The following KLF8 variants were observed in gnomAD, a reference collection of about 807,000 sequenced individuals.
KLF8 encodes Krueppel-like factor 8.
KLF8 carries 10 observed loss-of-function variants against 18.2 expected under a neutral mutation model. The observed-to-expected ratio is 0.55, with a 90% CI of 0.34 to 0.93. KLF8 has a LOEUF of 0.93. Ranked by LOEUF, KLF8 falls within the 40% of genes least tolerant of loss-of-function variation. The pLI, the probability that KLF8 is intolerant of heterozygous loss-of-function variation, is 0.02. For missense variants in KLF8, 264 were observed against 277.9 expected (o/e 0.95, Z 0.36); for synonymous variants, 109 against 97.3 (o/e 1.12, Z -0.71).
At chrX:55,954,697 G>A in the KLF8 span, among the ~76,000 whole-genome samples, 36 of 111,650 alleles carry the variant, frequency 3.2e-4, no homozygotes, top group African/African-American at 1.1e-3. Context: ...CTACTAAAGA[G>A]AAATGAAAAT....
chrX:56,034,625 A>T, the KLF8 span, among the ~76,000 whole-genome samples: 1 of 111,152 alleles, frequency 9.0e-6, no homozygotes, highest in Admixed American at 9.6e-5. Context: ...ATCATCTCAA[A>T]CATTTATCAT....
the KLF8 span, among the ~76,000 whole-genome samples, chrX:56,009,718 A>C: frequency 8.9e-6 from 1 of 112,173 alleles, no homozygotes; most frequent in African/African-American, 3.2e-5. Flanking sequence ...ACATGAAAAA[A>C]ATTACAGGAG....
the KLF8 span, among the ~76,000 whole-genome samples, chrX:55,940,202 G>C: frequency 8.9e-6 from 1 of 111,974 alleles, no homozygotes; most frequent in Admixed American, 9.5e-5. Context: ...CTTCATTCCT[G>C]GGATGCAAGC....
the KLF8 span, among the ~76,000 whole-genome samples, chrX:56,106,556 C>T: frequency 2.7e-5 from 3 of 112,294 alleles, no homozygotes; most frequent in Non-Finnish European, 5.6e-5. Context: ...TGGTTTTCAG[C>T]TCCATCAGGT....
At position 56,265,636 on chromosome X, in the gene KLF8, G is replaced by A; in HGVS notation, c.538G>A (p.Val180Met). The A allele has an allele frequency of 8.3e-7, 1 of 1,211,580 alleles. No individual in the cohort carries two copies. The highest frequency in any genetic ancestry group is 1.1e-6 in the Non-Finnish European group (1 of 895,314). Residue 180 changes from valine to methionine, a missense_variant, in exon 3 of 6, where the codon GTG (valine) becomes ATG (methionine). Coordinates refer to ENST00000468660, the MANE Select transcript of KLF8 (RefSeq NM_007250.5). ...NKMGGLKTIP[V>M]VVQSLPMVYT... is the part of the protein sequence containing the mutation. ...GATGGGTGGCCTGAAGACCATCCCA[G>A]TGGTAGTGCAGTCTCTGCCCATGGT...
the KLF8 span, among the ~76,000 whole-genome samples, chrX:56,154,286 C>A: frequency 2.7e-5 from 3 of 111,267 alleles, no homozygotes; most frequent in Non-Finnish European, 5.7e-5. Flanking sequence ...ACAGAGCCCT[C>A]AAAAATAATA....
the KLF8 span, among the ~76,000 whole-genome samples, chrX:56,137,418 T>C: frequency 1.0e-3 from 110 of 105,836 alleles, no homozygotes; most frequent in African/African-American, 3.7e-3. Context: ...TGGAATACTA[T>C]GCAGCCATAA....
At chrX:56,143,457 G>T in the KLF8 span, among the ~76,000 whole-genome samples, 1 of 111,790 alleles carries the variant, frequency 8.9e-6, no homozygotes, top group Non-Finnish European at 1.9e-5. Flanking sequence ...ACAAGGACAG[G>T]GATTTATTTT....
chrX:56,032,484 C>A, the KLF8 span, among the ~76,000 whole-genome samples: 1 of 111,885 alleles, frequency 8.9e-6, no homozygotes, highest in Non-Finnish European at 1.9e-5. Context: ...CTTTTGTAAT[C>A]AACTCCTCCC....
At chrX:55,959,445 C>T in the KLF8 span, among the ~76,000 whole-genome samples, 3 of 111,809 alleles carry the variant, frequency 2.7e-5, no homozygotes, top group Non-Finnish European at 5.6e-5. Flanking sequence ...AGTACAGAAT[C>T]TGGATGGCAA....
At chrX:56,211,185 T>C in the KLF8 span, among the ~76,000 whole-genome samples, 2 of 112,418 alleles carry the variant, frequency 1.8e-5, no homozygotes, top group Admixed American at 9.4e-5. Flanking sequence ...GGGAAGGCTT[T>C]CCATATATTT....
At chrX:56,058,659 C>T in the KLF8 span, among the ~76,000 whole-genome samples, 3 of 109,655 alleles carry the variant, frequency 2.7e-5, no homozygotes, top group African/African-American at 1.0e-4. Context: ...AGCTTCATCC[C>T]TATCCCTGCA....
chrX:55,929,542 G>A, the KLF8 span, among the ~76,000 whole-genome samples: 11 of 112,253 alleles, frequency 9.8e-5, no homozygotes, highest in Non-Finnish European at 1.7e-4. Flanking sequence ...GTTAATTTTT[G>A]TATAGGGTGT....
At chrX:56,262,984 A>G (rs181497491) in intron 2 of KLF8, among the ~76,000 whole-genome samples, 161 of 112,339 alleles carry the variant, frequency 1.4e-3, no homozygotes, top group African/African-American at 4.8e-3. Context: ...ATTGACAGCA[A>G]TGATAGACTA....
chrX:56,163,339 T>G, the KLF8 span, among the ~76,000 whole-genome samples: 1 of 112,402 alleles, frequency 8.9e-6, no homozygotes, highest in African/African-American at 3.2e-5. Flanking sequence ...ATTTCTGTAA[T>G]AACAAGTGAT....
the KLF8 span, among the ~76,000 whole-genome samples, chrX:56,175,526 G>C: frequency 5.4e-5 from 6 of 111,461 alleles, no homozygotes; most frequent in African/African-American, 1.6e-4. Context: ...ACTATGTGGT[G>C]AATTTTGGAA....
At chrX:56,139,085 A>G in the KLF8 span, among the ~76,000 whole-genome samples, 2 of 111,579 alleles carry the variant, frequency 1.8e-5, no homozygotes, top group African/African-American at 6.5e-5. Flanking sequence ...CTGGGAAAAC[A>G]GCTAACTAGG....
chrX:55,945,470 C>A, the KLF8 span, among the ~76,000 whole-genome samples: 1 of 110,493 alleles, frequency 9.1e-6, no homozygotes, highest in African/African-American at 3.3e-5. Flanking sequence ...TAGTCTAAGT[C>A]TCTTTGTAGG....
the KLF8 span, among the ~76,000 whole-genome samples, chrX:56,085,696 C>G: frequency 4.5e-5 from 5 of 112,267 alleles, no homozygotes; most frequent in African/African-American, 1.6e-4. Flanking sequence ...GTAAGAAAAA[C>G]AGATGAACCA....
Sources: allele counts gnomAD v4.1 joint callset (sites outside exome capture counted in the v4.1 genomes callset), GRCh38; gene constraint gnomAD v4.1.1; transcripts MANE v1.5; gene names NCBI Gene and HGNC (gene_info 2026-07-23, HGNC 2026-07-21).